The following TAFA5 variants were observed in gnomAD, a reference collection of about 807,000 sequenced individuals.
TAFA5 encodes TAFA chemokine like family member 5.
Under a neutral mutation model 15.3 loss-of-function variants are expected in TAFA5, and 6 were observed. That is an observed-to-expected ratio of 0.39 (90% CI 0.21 to 0.77). The LOEUF is 0.77. TAFA5 is among the 30% of genes least tolerant of loss of function. TAFA5 has a pLI of 0.41. For synonymous variants in TAFA5, 103 were observed against 80.7 expected (o/e 1.28, Z -1.48); for missense variants, 161 against 193.1 (o/e 0.83, Z 0.98).
intron 1 of TAFA5, among the ~76,000 whole-genome samples, chr22:48,519,830 C>G (rs969138522): frequency 5.3e-5 from 8 of 152,224 alleles, no homozygotes; most frequent in Admixed American, 1.3e-4. Context: ...GACCAGTCAC[C>G]TAACCTCTCT....
chr22:48,719,266 G>A (rs1236132132), intron 3 of TAFA5, among the ~76,000 whole-genome samples: 1 of 152,160 alleles, frequency 6.6e-6, no homozygotes, highest in Non-Finnish European at 1.5e-5. Context: ...GAAGAGAACC[G>A]CCCCTCGGGT....
chr22:48,748,690 C>T (rs182125802), intron 3 of TAFA5, among the ~76,000 whole-genome samples: 185 of 152,308 alleles, frequency 1.2e-3, no homozygotes, highest in African/African-American at 4.2e-3. Flanking sequence ...CAGTGACTGG[C>T]GCCCAGGAGC....
chr22:48,693,722 G>GC (rs1292660421), intron 2 of TAFA5, among the ~76,000 whole-genome samples: 6 of 152,234 alleles, frequency 3.9e-5, no homozygotes, highest in African/African-American at 1.2e-4. Flanking sequence ...TCTCAGTCCT[G>GC]CTCCGGGCCT....
chr22:48,705,228 G>C (rs1393047096), intron 2 of TAFA5, among the ~76,000 whole-genome samples: 3 of 152,144 alleles, frequency 2.0e-5, no homozygotes, highest in East Asian at 3.9e-4. Context: ...CTGGCTGTGG[G>C]TGTGAAGGTG....
In TAFA5 at chr22:48,550,037, T is replaced by A. The variant is rs1480188678; in HGVS notation, c.112+60333T>A. Among the ~76,000 whole-genome samples, 1 of 151,910 alleles carries A rather than the reference T, an allele frequency of 6.6e-6. No homozygotes were observed. Among genetic ancestry groups the A allele is most frequent in the Admixed American group, 6.6e-5 (1 of 15,240 alleles). On this transcript the variant is annotated intron_variant, in intron 1 of 3. Transcript: ENST00000402357. The surrounding 1 kb of genome is among the most constrained non-coding windows in gnomAD (Gnocchi z 4.1). ...CTCTCCTTCTCAAAGAGAAACCGAGTCACAGAGTGTTTCAGTAACTGAGAA... is the reference window on the plus strand; with the variant it reads ...CTCTCCTTCTCAAAGAGAAACCGAGACACAGAGTGTTTCAGTAACTGAGAA...
intron 1 of TAFA5, among the ~76,000 whole-genome samples, chr22:48,621,907 G>A (rs1311225343): frequency 6.6e-6 from 1 of 152,162 alleles, no homozygotes; most frequent in Admixed American, 6.5e-5. Context: ...CACGGTTTGT[G>A]CCTCTGGAGG....
At chr22:48,647,786 G>A (rs1380258246) in intron 2 of TAFA5, among the ~76,000 whole-genome samples, 1 of 152,170 alleles carries the variant, frequency 6.6e-6, no homozygotes, top group African/African-American at 2.4e-5. Flanking sequence ...GGTATTGGAT[G>A]CCTTGGTTCT....
At position 48,611,319 on chromosome 22, in the gene TAFA5, C is replaced by T. The variant is rs190057789; in HGVS notation, c.113-35278C>T. On this transcript the variant is annotated intron_variant, in intron 1 of 3. Transcript: ENST00000402357. ...TCCCTTCCTTCACCTGCTCCCCTTT[C>T]GCTGAGATGCTGTCCTGCGTTGCCT... 3.2e-3 allele frequency among the ~76,000 whole-genome samples: 488 copies of T among 152,348 alleles called. 2 individuals carry two copies. Among genetic ancestry groups the T allele is most frequent in the Non-Finnish European group, 3.4e-3 (234 of 68,034 alleles).
At chr22:48,515,680 C>T (rs916160526) in intron 1 of TAFA5, among the ~76,000 whole-genome samples, 9 of 152,208 alleles carry the variant, frequency 5.9e-5, no homozygotes, top group Non-Finnish European at 1.5e-5. Context: ...CTGCTGCATC[C>T]AATGCCCAAT....
intron 3 of TAFA5, among the ~76,000 whole-genome samples, chr22:48,744,146 C>T (rs555083441): frequency 2.0e-5 from 3 of 152,276 alleles, no homozygotes; most frequent in East Asian, 1.9e-4. Flanking sequence ...TGTGTGTCTT[C>T]GGCCGTGAGG....
intron 1 of TAFA5, among the ~76,000 whole-genome samples, chr22:48,637,807 G>C (rs189957997): frequency 2.4e-4 from 37 of 152,112 alleles, no homozygotes; most frequent in African/African-American, 7.7e-4. Flanking sequence ...CCCGCCCACC[G>C]AGCACAGCCG....
At chr22:48,509,121 G>A (rs1327391139) in intron 1 of TAFA5, among the ~76,000 whole-genome samples, 3 of 152,216 alleles carry the variant, frequency 2.0e-5, no homozygotes, top group Non-Finnish European at 4.4e-5. Context: ...AGTCATGCCT[G>A]CAGCTGCGAA....
chr22:48,679,014 GGC>G (rs1928077496), intron 2 of TAFA5, among the ~76,000 whole-genome samples: 1 of 73,484 alleles, frequency 1.4e-5, no homozygotes, highest in Non-Finnish European at 2.5e-5. Flanking sequence ...TCCCTCTCCC[GGC>G]TCCGCGTCCA....
chr22:48,541,756 G>C (rs1309710996), intron 1 of TAFA5, among the ~76,000 whole-genome samples: 1 of 152,202 alleles, frequency 6.6e-6, no homozygotes, highest in East Asian at 1.9e-4. Flanking sequence ...CTGCTGGGAG[G>C]CCTTGACCTC....
chr22:48,579,619 G>A (rs975159835), intron 1 of TAFA5, among the ~76,000 whole-genome samples: 1 of 152,216 alleles, frequency 6.6e-6, no homozygotes, highest in African/African-American at 2.4e-5. Context: ...AGGAAACGGC[G>A]AGAAGTATAA....
chr22:48,660,745 G>A (rs926108740), intron 2 of TAFA5, among the ~76,000 whole-genome samples: 1 of 152,190 alleles, frequency 6.6e-6, no homozygotes, highest in Non-Finnish European at 1.5e-5. Context: ...GACACAGCGC[G>A]TGGCCCTCTC....
chr22:48,693,194 TCA>T, intron 2 of TAFA5: 2 of 1,137,394 alleles, frequency 1.8e-6, no homozygotes, highest in African/African-American at 3.1e-5. Flanking sequence ...TGGAGGGGCC[TCA>T]GTGACGGGGC....
intron 1 of TAFA5, among the ~76,000 whole-genome samples, chr22:48,626,930 G>T (rs1450998421): frequency 6.6e-6 from 1 of 152,178 alleles, no homozygotes; most frequent in African/African-American, 2.4e-5. Flanking sequence ...AGCTGCTCCA[G>T]CCCCGTGCTG....
intron 2 of TAFA5, among the ~76,000 whole-genome samples, chr22:48,691,664 A>C (rs1928545780): frequency 6.6e-6 from 1 of 151,956 alleles, no homozygotes; most frequent in Admixed American, 6.6e-5. Flanking sequence ...CTGGGAGGTG[A>C]CCTCTGCTTT....
Sources: allele counts gnomAD v4.1 joint callset (sites outside exome capture counted in the v4.1 genomes callset), GRCh38; gene constraint gnomAD v4.1.1; non-coding constraint Gnocchi (gnomAD v3.1); transcripts MANE v1.5; gene names NCBI Gene and HGNC (gene_info 2026-07-23, HGNC 2026-07-21).